The following DPP8 variants were observed in gnomAD, a reference collection of about 807,000 sequenced individuals.
The protein encoded by DPP8 is DPP VIII.
In DPP8, 31 loss-of-function variants were observed where a neutral mutation model predicts 107.5. The ratio of observed to expected loss-of-function variants is 0.29; its 90% CI spans 0.22 to 0.39. The LOEUF is 0.39. DPP8 is among the 10% of genes least tolerant of loss of function. The pLI is 1.00. For synonymous variants in DPP8, 381 were observed against 356.6 expected (o/e 1.07, Z -0.77); for missense variants, 842 against 1,076.1 (o/e 0.78, Z 3.04).
intron 7 of DPP8, among the ~76,000 whole-genome samples, chr15:65,486,834 A>C (rs2067486971): frequency 6.6e-6 from 1 of 152,138 alleles, no homozygotes; most frequent in Non-Finnish European, 1.5e-5. Context: ...CTCCAGAGGA[A>C]GGGTGGTGGG....
At chr15:65,481,781 C>T (rs1003402388) in intron 8 of DPP8, among the ~76,000 whole-genome samples, 166 bp from the exon 9 acceptor site, 3 of 151,952 alleles carry the variant, frequency 2.0e-5, no homozygotes, top group Admixed American at 1.3e-4. Context: ...TCTGGGTTAC[C>T]TATACTGGTA....
At chr15:65,454,168 T>G (rs958446332) in intron 17 of DPP8, 95 bp downstream of exon 17, 8 of 998,096 alleles carry the variant, frequency 8.0e-6, no homozygotes, top group Non-Finnish European at 1.1e-5. Context: ...TTGCCAACTC[T>G]GTAAACCTTC....
rs201775746 is a variant in DPP8, at chr15:65,481,498, C to T, written c.1118+17G>A. The stretch of plus-strand genomic sequence containing the variant: ...TCCTAAATTAGTTATAAAGAAGTAA[C>T]AATTTAACATACGCACTATTTTCCC... On this transcript the variant is annotated intron_variant, in intron 9 of 19. Coordinates refer to ENST00000300141, the MANE Select transcript of DPP8 (RefSeq NM_130434.5). The T allele has an allele frequency of 2.7e-6, 4 of 1,472,662 alleles. No individual in the cohort carries two copies. The highest frequency in any genetic ancestry group is 2.0e-5 in the Admixed American group (1 of 49,542). The allele number at this position is 1,472,662 out of a possible 1,614,324, so 91.2% of individuals were successfully genotyped here.
chr15:65,491,793 C>T (rs1010412093), intron 5 of DPP8, among the ~76,000 whole-genome samples: 23 of 152,072 alleles, frequency 1.5e-4, no homozygotes, highest in Admixed American at 3.9e-4. Context: ...AGTGCAGTGG[C>T]GTGATCTCGG....
chr15:65,497,973 T>G lies in DPP8; in HGVS notation c.606A>C (p.Pro202=), dbSNP rs2068775077. 2.5e-6 allele frequency: 4 copies of G among 1,611,852 alleles called. No individual in the cohort carries two copies. The highest frequency in any genetic ancestry group is 3.4e-6 in the Non-Finnish European group (4 of 1,178,574). The change falls in exon 5 of 20, where the codon CCA becomes CCC. Residue 202 remains proline, a synonymous_variant. Coordinates refer to ENST00000300141, the MANE Select transcript of DPP8 (RefSeq NM_130434.5). ...AGTCTGGATCAGCAGGGCATAATTT[T>G]GGATCCATCCGTATGTTGGGACAAC... ...ETSCPNIRMD[P]KLCPADPDWI...
At chr15:65,499,241 T>C (rs1699937) in intron 4 of DPP8, among the ~76,000 whole-genome samples, 66,729 of 151,516 alleles carry the variant, frequency 0.44, 17,088 homozygotes, top group Non-Finnish European at 0.57. Context: ...CTTTTTTTTT[T>C]TCTCTCTCTC....
At chr15:65,484,966 T>C in intron 8 of DPP8, 133 bp downstream of exon 8, 2 of 710,820 alleles carry the variant, frequency 2.8e-6, no homozygotes, top group Non-Finnish European at 4.9e-6. Context: ...ATTAGGTCAA[T>C]CTAAAATCAT....
At chr15:65,476,573 G>A (rs1004492826) in intron 11 of DPP8, among the ~76,000 whole-genome samples, 3 of 152,276 alleles carry the variant, frequency 2.0e-5, no homozygotes, top group East Asian at 1.9e-4. Context: ...GTAAAATGGG[G>A]TAGCAGTAGC....
chr15:65,453,947 T>TA (rs1267335492), intron 17 of DPP8, among the ~76,000 whole-genome samples: 3 of 151,244 alleles, frequency 2.0e-5, no homozygotes, highest in African/African-American at 4.9e-5. Flanking sequence ...ATCTCTACTT[T>TA]AAAAAAAATA....
intron 3 of DPP8, among the ~76,000 whole-genome samples, chr15:65,501,647 C>T (rs929654833): frequency 2.0e-5 from 3 of 152,122 alleles, no homozygotes; most frequent in East Asian, 3.8e-4. Flanking sequence ...TTATTAAAAC[C>T]TTTCCACTAC....
chr15:65,492,622 G>T (rs1456189173), intron 5 of DPP8, among the ~76,000 whole-genome samples: 2 of 152,008 alleles, frequency 1.3e-5, no homozygotes, highest in Admixed American at 6.6e-5. Flanking sequence ...TTGAGACAGG[G>T]TCTTGCTCTG....
At chr15:65,483,740 A>G (rs2067151770) in intron 8 of DPP8, among the ~76,000 whole-genome samples, 1 of 152,228 alleles carries the variant, frequency 6.6e-6, no homozygotes, top group Admixed American at 6.5e-5. Flanking sequence ...TATACTCCAG[A>G]GAAATGAAAA....
intron 4 of DPP8, among the ~76,000 whole-genome samples, chr15:65,498,384 T>C (rs1469728248): frequency 6.6e-6 from 1 of 151,086 alleles, no homozygotes; most frequent in East Asian, 1.9e-4. Context: ...ATCGTGCCAC[T>C]GCACTCCAAC....
At chr15:65,473,933 G>A (rs1595941665) in intron 12 of DPP8, among the ~76,000 whole-genome samples, 1 of 151,900 alleles carries the variant, frequency 6.6e-6, no homozygotes, top group Non-Finnish European at 1.5e-5. Context: ...GAAACCCCGT[G>A]TCTACTAAAG....
intron 7 of DPP8, among the ~76,000 whole-genome samples, chr15:65,485,664 G>C (rs1435148947): frequency 6.6e-6 from 1 of 151,422 alleles, no homozygotes; most frequent in Admixed American, 6.6e-5. Context: ...GTTAAGTCAA[G>C]AGTAACGTAT....
intron 15 of DPP8, among the ~76,000 whole-genome samples, chr15:65,456,805 T>G (rs950088142): frequency 6.6e-6 from 1 of 152,174 alleles, no homozygotes; most frequent in Non-Finnish European, 1.5e-5. Context: ...TAAGTCTACA[T>G]GGCCCTTGAG....
chr15:65,494,866 A>G (rs1029346996), intron 5 of DPP8, among the ~76,000 whole-genome samples: 2 of 152,134 alleles, frequency 1.3e-5, no homozygotes, highest in Non-Finnish European at 2.9e-5. Flanking sequence ...TTTAGGCCAT[A>G]TAACTTGGAT....
chr15:65,481,384 T>G (rs2066914093), intron 9 of DPP8, 131 bp downstream of exon 9: 2 of 657,076 alleles, frequency 3.0e-6, no homozygotes, highest in Non-Finnish European at 5.4e-6. Flanking sequence ...AAATGCCTTG[T>G]GTAGTAATAA....
chr15:65,512,765 AT>A, intron 1 of DPP8: 1 of 592,374 alleles, frequency 1.7e-6, no homozygotes, highest in East Asian at 2.8e-5. Context: ...TTAAAAAAAA[AT>A]TGAGGTCAGG....
Sources: allele counts gnomAD v4.1 joint callset (sites outside exome capture counted in the v4.1 genomes callset), GRCh38; gene constraint gnomAD v4.1.1; transcripts MANE v1.5; gene names NCBI Gene and HGNC (gene_info 2026-07-23, HGNC 2026-07-21).